Variants in DCAF1 observed in about 807,000 individuals in gnomAD.
DCAF1 encodes DDB1- and CUL4-associated factor 1.
A neutral mutation model predicts 128.0 loss-of-function variants in DCAF1; 15 were observed. The ratio of observed to expected loss-of-function variants is 0.12; its 90% CI spans 0.08 to 0.18. The LOEUF is 0.18. DCAF1 is among the 10% of genes least tolerant of loss of function. The pLI is 1.00. For missense variants in DCAF1, 988 were observed against 1,649.5 expected (o/e 0.60, Z 6.95); for synonymous variants, 610 against 603.0 (o/e 1.01, Z -0.17).
chr3:51,455,761 G>A (rs1278841530), intron 6 of DCAF1, among the ~76,000 whole-genome samples: 1 of 152,076 alleles, frequency 6.6e-6, no homozygotes, highest in East Asian at 1.9e-4. Context: ...GCCAGGCATG[G>A]TGGCACGAGC....
chr3:51,449,870 TACA>T (rs1408664593), intron 6 of DCAF1, among the ~76,000 whole-genome samples: 2 of 152,114 alleles, frequency 1.3e-5, no homozygotes, highest in Non-Finnish European at 2.9e-5. Flanking sequence ...TATACAATTG[TACA>T]ACAACAAATT....
chr3:51,447,324 C>T (rs1436298795), intron 6 of DCAF1, among the ~76,000 whole-genome samples: 5 of 151,810 alleles, frequency 3.3e-5, no homozygotes, highest in Non-Finnish European at 5.9e-5. Context: ...GCATGAGAAT[C>T]GCTTGAACCT....
intron 23 of DCAF1, among the ~76,000 whole-genome samples, chr3:51,405,897 A>G (rs2090067783): frequency 6.6e-6 from 1 of 152,194 alleles, no homozygotes; most frequent in African/African-American, 2.4e-5. Flanking sequence ...AGCTGGGCAC[A>G]ACGGCACACA....
At chr3:51,489,838 G>T (rs113931444) in intron 2 of DCAF1, among the ~76,000 whole-genome samples, 190 of 4,238 alleles carry the variant, frequency 0.045, no homozygotes, top group African/African-American at 0.21. Context: ...TGTGTATATA[G>T]ATAGATAGAT....
chr3:51,472,941 G>A (rs1704930548), intron 3 of DCAF1, among the ~76,000 whole-genome samples: 1 of 150,812 alleles, frequency 6.6e-6, no homozygotes, highest in African/African-American at 2.4e-5. Flanking sequence ...GCTGGTTATA[G>A]GCGTGAGCCA....
chr3:51,407,984 CAAAAAAAAAAAA>C (rs59224025), intron 23 of DCAF1, among the ~76,000 whole-genome samples: 7 of 52,548 alleles, frequency 1.3e-4, no homozygotes, highest in East Asian at 5.9e-4. Flanking sequence ...GACTCCATCT[CAAAAAAAAAAAA>C]AAAAAAAAAA....
chr3:51,437,908 AAAAG>A (rs1374906836), intron 9 of DCAF1, among the ~76,000 whole-genome samples: 1 of 152,178 alleles, frequency 6.6e-6, no homozygotes, highest in Non-Finnish European at 1.5e-5. Flanking sequence ...AGAAAAAAGA[AAAAG>A]AAAGAAAACA....
At chr3:51,400,485 A>G (rs1486143311) in intron 24 of DCAF1, among the ~76,000 whole-genome samples, 1 of 152,194 alleles carries the variant, frequency 6.6e-6, no homozygotes, top group Non-Finnish European at 1.5e-5. Context: ...GCTGTAGCAC[A>G]TCTAAGAACT....
intron 23 of DCAF1, among the ~76,000 whole-genome samples, chr3:51,406,526 C>T (rs1401791643): frequency 6.6e-6 from 1 of 151,934 alleles, no homozygotes; most frequent in Non-Finnish European, 1.5e-5. Flanking sequence ...AATTTCTCTA[C>T]AGAAAGAATT....
intron 10 of DCAF1, among the ~76,000 whole-genome samples, chr3:51,431,407 C>A (rs9829002): frequency 0.01 from 1,569 of 149,930 alleles, 40 homozygotes; most frequent in African/African-American, 0.035. Context: ...GTGATCCCAG[C>A]TATTCAGGAG....
At chr3:51,412,913 G>C in intron 22 of DCAF1, 80 bp downstream of exon 22, 1 of 1,573,102 alleles carries the variant, frequency 6.4e-7, no homozygotes. Context: ...TCTTATATCA[G>C]ACAAAATGTC....
chr3:51,450,285 G>A (rs1702227978), intron 6 of DCAF1, among the ~76,000 whole-genome samples: 1 of 152,136 alleles, frequency 6.6e-6, no homozygotes, highest in Non-Finnish European at 1.5e-5. Context: ...TATGATGCCA[G>A]CATTACCAAA....
At chr3:51,423,566 A>G (rs1699625375) in intron 13 of DCAF1, among the ~76,000 whole-genome samples, 1 of 151,416 alleles carries the variant, frequency 6.6e-6, no homozygotes, top group South Asian at 2.1e-4. Context: ...GCCGGTAATC[A>G]CAACAATTTG....
intron 6 of DCAF1, among the ~76,000 whole-genome samples, chr3:51,451,586 C>A (rs1702356882): frequency 6.6e-6 from 1 of 151,944 alleles, no homozygotes; most frequent in African/African-American, 2.4e-5. Flanking sequence ...CATGGTGAAA[C>A]CCCATCTCTA....
At position 51,440,978 on chromosome 3, in the gene DCAF1, C is replaced by T. The variant is rs1249512518; in HGVS notation, c.1120G>A (p.Ala374Thr). 1 of 1,611,376 alleles carries T rather than the reference C, an allele frequency of 6.2e-7. No individual in the cohort carries two copies. Among genetic ancestry groups the T allele is most frequent in the Non-Finnish European group, 8.5e-7 (1 of 1,178,866 alleles). Residue 374 changes from alanine to threonine, a missense_variant, in exon 9 of 25, where the codon GCA (alanine) becomes ACA (threonine). Physicochemically the swap from Ala to Thr is moderately conservative, Grantham distance 58. Transcript: ENST00000684031. ...QTNDVLLTFE[A>T]LKHLASLLLH... ...ATTTTTAAGAACTTTACCTTTAGTG[C>T]CTCAAATGTAAGCAGGACATCATTA...
intron 9 of DCAF1, among the ~76,000 whole-genome samples, chr3:51,439,008 C>T (rs913127021): frequency 5.3e-4 from 81 of 152,224 alleles, no homozygotes; most frequent in Admixed American, 1.3e-4. Context: ...CATTGTTATT[C>T]ATTCAACTAT....
chr3:51,404,405 GTTC>G (rs1214525340), intron 23 of DCAF1, among the ~76,000 whole-genome samples: 1 of 152,010 alleles, frequency 6.6e-6, no homozygotes, highest in Non-Finnish European at 1.5e-5. Context: ...AATTTTTTTT[GTTC>G]TTATTATTTT....
At chr3:51,432,395 C>T (rs1451196902) in intron 10 of DCAF1, among the ~76,000 whole-genome samples, 3 of 151,046 alleles carry the variant, frequency 2.0e-5, no homozygotes, top group South Asian at 2.1e-4. Context: ...AATACACAAA[C>T]ATATACACCC....
At position 51,420,289 on chromosome 3, in the gene DCAF1, G is replaced by A; in HGVS notation, c.2681C>T (p.Ala894Val). ...GGTTCGGGGTAGAGAGACAGGAGAA[G>A]CAGCAGCAGTGACTGGGGTAAAGGC... ...SSAFTPVTAAASPVSLPRTPR... is the reference protein window; with the variant it reads ...SSAFTPVTAAVSPVSLPRTPR... The change falls in exon 15 of 25, where the codon GCT becomes GTT. Residue 894 changes from alanine to valine, a missense_variant. Physicochemically the swap from Ala to Val is moderately conservative, Grantham distance 64. Coordinates refer to ENST00000684031, the MANE Select transcript of DCAF1 (RefSeq NM_001387579.1). This position sits in a 1 kb window ranked among gnomAD's most constrained non-coding sequence, Gnocchi z 6.5. The A allele has an allele frequency of 1.2e-6, 2 of 1,614,058 alleles. No homozygotes were observed. The highest frequency in any genetic ancestry group is 3.3e-5 in the Admixed American group (2 of 60,026).
Sources: allele counts gnomAD v4.1 joint callset (sites outside exome capture counted in the v4.1 genomes callset), GRCh38; gene constraint gnomAD v4.1.1; non-coding constraint Gnocchi (gnomAD v3.1); transcripts MANE v1.5; gene names NCBI Gene and HGNC (gene_info 2026-07-23, HGNC 2026-07-21).